Variants in DNM3 observed in about 807,000 individuals in gnomAD.
DNM3 encodes dynamin-3.
In DNM3, 47 loss-of-function variants were observed where a neutral mutation model predicts 101.6. The ratio of observed to expected loss-of-function variants is 0.46; its 90% CI spans 0.37 to 0.59. The LOEUF is 0.59. DNM3 is among the 20% of genes least tolerant of loss of function. DNM3 has a pLI of 0.00. For synonymous variants in DNM3, 385 were observed against 387.9 expected, an observed-to-expected ratio of 0.99 and a Z score of 0.09; for missense variants, 849 against 1,085.7, an observed-to-expected ratio of 0.78 and a Z score of 3.06.
chr1:172,078,797 A>T (rs2052893307), intron 11 of DNM3, among the ~76,000 whole-genome samples: 1 of 152,122 alleles, frequency 6.6e-6, no homozygotes, highest in Admixed American at 6.6e-5. Context: ...TTCATTCAGG[A>T]GCTCTTGTAA....
At chr1:171,951,486 T>C (rs1404493145) in intron 2 of DNM3, among the ~76,000 whole-genome samples, 4 of 152,216 alleles carry the variant, frequency 2.6e-5, no homozygotes, top group Admixed American at 2.0e-4. Flanking sequence ...AAAACCATTC[T>C]CATTCTCTAA....
intron 1 of DNM3, among the ~76,000 whole-genome samples, chr1:171,916,332 C>T (rs1176184279): frequency 6.6e-6 from 1 of 152,174 alleles, no homozygotes; most frequent in Non-Finnish European, 1.5e-5. Flanking sequence ...CAAGTTAATG[C>T]ATATAAAGCA....
At chr1:172,176,707 G>T (rs2148369919) in intron 14 of DNM3, among the ~76,000 whole-genome samples, 1 of 152,000 alleles carries the variant, frequency 6.6e-6, no homozygotes, top group East Asian at 1.9e-4. Flanking sequence ...GGGGCAATTT[G>T]TTATGCAGCA....
At chr1:172,075,264 C>G (rs542442457) in intron 11 of DNM3, among the ~76,000 whole-genome samples, 1 of 151,904 alleles carries the variant, frequency 6.6e-6, no homozygotes, top group African/African-American at 2.4e-5. Flanking sequence ...CTATAGGTTG[C>G]CTTTTCACTC....
intron 20 of DNM3, among the ~76,000 whole-genome samples, chr1:172,390,779 G>C (rs1359008754): frequency 1.3e-5 from 2 of 152,214 alleles, no homozygotes; most frequent in East Asian, 3.8e-4. Context: ...TGAGGCCATT[G>C]GAAGAGGAAG....
chr1:172,411,900 T>C lies in DNM3; in HGVS notation c.*4059T>C, dbSNP rs1463022483. 5.1e-6 allele frequency: 5 copies of C among 985,796 alleles called. No homozygotes were observed. The highest frequency in any genetic ancestry group is 6.0e-6 in the Non-Finnish European group (5 of 829,862). The allele number at this position is 985,796 out of a possible 1,614,324, so 61.1% of individuals were successfully genotyped here. ...GATTATTCGTTCACCAGATCACTCA[T>C]TGTACATTCTAAAAAGCTCAAATGA... On this transcript the variant is annotated 3_prime_UTR_variant, in exon 21 of 21. Transcript: ENST00000627582.
intron 1 of DNM3, among the ~76,000 whole-genome samples, chr1:171,888,336 A>G (rs2036965413): frequency 1.3e-5 from 2 of 152,162 alleles, no homozygotes; most frequent in Admixed American, 6.5e-5. Context: ...TAGGGGGGGA[A>G]TAATGTCATT....
chr1:172,310,265 T>C (rs560934067), intron 16 of DNM3: 1 of 152,338 alleles, frequency 6.6e-6, no homozygotes, highest in African/African-American at 2.4e-5. Flanking sequence ...TGTTCTATAT[T>C]AAAAATGCAC....
intron 14 of DNM3, among the ~76,000 whole-genome samples, chr1:172,234,903 G>T (rs962092168): frequency 3.3e-5 from 5 of 152,188 alleles, no homozygotes; most frequent in African/African-American, 1.2e-4. Flanking sequence ...AACCCTAGAA[G>T]AAAACCTAGG....
intron 1 of DNM3, among the ~76,000 whole-genome samples, chr1:171,919,875 T>C (rs1252230216): frequency 1.3e-5 from 2 of 152,208 alleles, no homozygotes; most frequent in African/African-American, 4.8e-5. Context: ...TCCGAACTCC[T>C]GGTGTCTACC....
chr1:172,379,379 A>G (rs1184547949), intron 18 of DNM3, among the ~76,000 whole-genome samples, 197 bp downstream of exon 18: 1 of 152,054 alleles, frequency 6.6e-6, no homozygotes, highest in Non-Finnish European at 1.5e-5. Flanking sequence ...ACTTCTAGCT[A>G]TAGGACTGAG....
chr1:172,359,420 C>G (rs902462810), intron 17 of DNM3, among the ~76,000 whole-genome samples: 8 of 151,708 alleles, frequency 5.3e-5, no homozygotes, highest in African/African-American at 1.9e-4. Flanking sequence ...TCAGGGAGCC[C>G]TATAAATCTT....
chr1:172,015,035 C>CGA (rs2047362618), intron 4 of DNM3, among the ~76,000 whole-genome samples: 1 of 151,732 alleles, frequency 6.6e-6, no homozygotes, highest in Admixed American at 6.6e-5. Flanking sequence ...TTTGAAAAAA[C>CGA]TCTTTGCTCC....
At chr1:172,215,697 A>C (rs1475116470) in intron 14 of DNM3, among the ~76,000 whole-genome samples, 1 of 152,218 alleles carries the variant, frequency 6.6e-6, no homozygotes, top group South Asian at 2.1e-4. Context: ...GAAATTGTAC[A>C]TATTCGTTGG....
rs544433576 is a variant in DNM3 at position 172,090,693 on chromosome 1, A to G, written c.1494-2131A>G. Among the ~76,000 whole-genome samples, 7 of 152,302 alleles carry G rather than the reference A, an allele frequency of 4.6e-5. No individual in the cohort carries two copies. The East Asian group carries it at 9.6e-4, about 21-fold the overall frequency. On this transcript the variant is annotated intron_variant, in intron 12 of 20. Transcript: ENST00000627582. Reference sequence around the variant, plus strand: ...CACCACCCACCCCCTGCCCACCTTCAGTTGAATGCAGTGTTTTTTCATGAG... The same window carrying G: ...CACCACCCACCCCCTGCCCACCTTCGGTTGAATGCAGTGTTTTTTCATGAG...
rs1488091657 is a variant in DNM3 at position 171,883,367 on chromosome 1, AC to A, written c.162-38380del. On this transcript the variant is annotated intron_variant, in intron 1 of 20. Transcript: ENST00000627582. ...CTCTAAAAAAACAAAAAAGGACCACACACACACACACACACACACACACACA... is the reference window on the plus strand; with the variant it reads ...CTCTAAAAAAACAAAAAAGGACCACAACACACACACACACACACACACACA... 5.0e-3 allele frequency among the ~76,000 whole-genome samples: 30 copies of A among 5,978 alleles called. No individual in the cohort carries two copies. The South Asian group carries it at 0.23, about 46-fold the overall frequency. The allele number at this position is 5,978 out of a possible 152,430, so 3.9% of individuals were successfully genotyped here.
intron 14 of DNM3, among the ~76,000 whole-genome samples, chr1:172,185,511 A>G (rs1254083853): frequency 1.3e-5 from 2 of 152,146 alleles, no homozygotes; most frequent in East Asian, 3.9e-4. Context: ...TTCATTCTAT[A>G]TGCTTGGCAG....
chr1:172,177,056 G>T (rs2059176991), intron 14 of DNM3, among the ~76,000 whole-genome samples: 1 of 151,856 alleles, frequency 6.6e-6, no homozygotes, highest in Non-Finnish European at 1.5e-5. Flanking sequence ...TTAACGCAAA[G>T]GGAAACTGAG....
At chr1:172,311,063 C>CGG (rs2148879844) in intron 16 of DNM3, 1 of 152,096 alleles carries the variant, frequency 6.6e-6, no homozygotes, top group African/African-American at 2.4e-5. Flanking sequence ...TTTTATAGGG[C>CGG]GGTTGATAGG....
Sources: allele counts gnomAD v4.1 joint callset (sites outside exome capture counted in the v4.1 genomes callset), GRCh38; gene constraint gnomAD v4.1.1; transcripts MANE v1.5; gene names NCBI Gene and HGNC (gene_info 2026-07-23, HGNC 2026-07-21).